Variants in COL15A1 observed in about 807,000 individuals in gnomAD.
COL15A1 encodes collagen type XV alpha 1 chain.
A neutral mutation model predicts 165.9 loss-of-function variants in COL15A1; 111 were observed. The observed-to-expected ratio is 0.67, with a 90% CI of 0.57 to 0.78. COL15A1 has a LOEUF of 0.78. Ranked by LOEUF, COL15A1 falls within the 30% of genes least tolerant of loss-of-function variation. The probability of loss-of-function intolerance (pLI) is 0.00; values close to 1 mark genes in which losing one functional copy is unlikely to be tolerated. For missense variants in COL15A1, 1,745 were observed against 1,789.7 expected (o/e 0.98, Z 0.45); for synonymous variants, 659 against 674.8 (o/e 0.98, Z 0.36).
At chr9:99,015,873 C>T (rs1326442372) in intron 10 of COL15A1, 103 bp from the exon 11 acceptor site, 23 of 1,378,514 alleles carry the variant, frequency 1.7e-5, no homozygotes, top group African/African-American at 2.9e-5. Context: ...TAGGTAAGAA[C>T]GTGCTTTGAA....
chr9:99,036,104 G>A (rs1839296540), intron 19 of COL15A1, 66 bp from the exon 20 acceptor site: 1 of 1,319,992 alleles, frequency 7.6e-7, no homozygotes, highest in African/African-American at 1.4e-5. Flanking sequence ...GAGATGGTGA[G>A]ACAAGAGGCT....
chr9:99,067,046 C>G lies in COL15A1; in HGVS notation c.3816C>G (p.Ser1272Arg), dbSNP rs768918828. 1 of 1,613,614 alleles carries G rather than the reference C, an allele frequency of 6.2e-7. No individual in the cohort carries two copies. The highest frequency in any genetic ancestry group is 1.3e-5 in the African/African-American group (1 of 74,916). ...STIVRKAERY[S>R]LPIVNLKGQV... ...TTGTGAGGAAAGCAGAGAGATACAGCCTTCCCATAGTGAACCTCAAGGTAA... is the reference window on the plus strand; with the variant it reads ...TTGTGAGGAAAGCAGAGAGATACAGGCTTCCCATAGTGAACCTCAAGGTAA... Residue 1272 changes from serine (S) to arginine (R), a missense_variant, in exon 40 of 42, where the codon AGC (serine) becomes AGG (arginine). By Grantham distance (110) the Ser-to-Arg change is moderately radical. Coordinates refer to ENST00000375001, the MANE Select transcript of COL15A1 (RefSeq NM_001855.5).
At chr9:98,974,077 G>A (rs1265849213) in intron 2 of COL15A1, among the ~76,000 whole-genome samples, 4 of 152,212 alleles carry the variant, frequency 2.6e-5, no homozygotes, top group East Asian at 1.9e-4. Flanking sequence ...AGTTGAGGCC[G>A]ACTTGTGTGT....
At chr9:98,994,554 G>A (rs578131770) in intron 5 of COL15A1, among the ~76,000 whole-genome samples, 42 of 152,146 alleles carry the variant, frequency 2.8e-4, no homozygotes, top group Non-Finnish European at 5.1e-4. Context: ...GGTTTGTTGC[G>A]TCTGGTCTAG....
At chr9:98,995,496 C>T (rs1177802899) in intron 5 of COL15A1, among the ~76,000 whole-genome samples, 6 of 152,168 alleles carry the variant, frequency 3.9e-5, no homozygotes, top group Non-Finnish European at 2.9e-5. Flanking sequence ...CCATTCTTCT[C>T]CCCACAGAAC....
chr9:98,971,694 G>A lies in COL15A1; in HGVS notation c.101-13871G>A, dbSNP rs545231405. Among the ~76,000 whole-genome samples, 5 of 152,362 alleles carry A rather than the reference G, an allele frequency of 3.3e-5. No homozygotes were observed. The East Asian group carries it at 9.6e-4, about 29-fold the overall frequency. On this transcript the variant is annotated intron_variant, in intron 2 of 41. Coordinates refer to ENST00000375001, the MANE Select transcript of COL15A1 (RefSeq NM_001855.5). Reference sequence around the variant, plus strand: ...ACTGCTTCTTCCTGAGATTGGATATGCTCTTGCACTGCGGCTAACTGCTGC... The same window carrying A: ...ACTGCTTCTTCCTGAGATTGGATATACTCTTGCACTGCGGCTAACTGCTGC...
intron 30 of COL15A1, among the ~76,000 whole-genome samples, chr9:99,050,567 C>A (rs1839572020): frequency 6.6e-6 from 1 of 152,230 alleles, no homozygotes; most frequent in African/African-American, 2.4e-5. Flanking sequence ...AGTCAGATTT[C>A]TGTGAGAAAA....
intron 9 of COL15A1, among the ~76,000 whole-genome samples, chr9:99,008,925 G>A (rs1838804868): frequency 6.6e-6 from 1 of 152,160 alleles, no homozygotes; most frequent in Non-Finnish European, 1.5e-5. Context: ...ATTGTTAAAA[G>A]CTGTAAATAG....
At chr9:98,966,134 C>T (rs1837952548) in intron 2 of COL15A1, among the ~76,000 whole-genome samples, 2 of 152,290 alleles carry the variant, frequency 1.3e-5, no homozygotes, top group South Asian at 4.1e-4. Context: ...GGACCATTCT[C>T]CCCTAGGGAG....
intron 39 of COL15A1, 40 bp downstream of exon 39, chr9:99,063,149 G>A (rs1173461912): frequency 2.6e-6 from 4 of 1,550,296 alleles, no homozygotes; most frequent in African/African-American, 1.4e-5. Flanking sequence ...AATACTGAGT[G>A]TATATCTGCT....
intron 9 of COL15A1, among the ~76,000 whole-genome samples, chr9:99,005,272 A>G (rs973589296): frequency 3.9e-5 from 6 of 152,026 alleles, no homozygotes; most frequent in Non-Finnish European, 8.8e-5. Context: ...TGAGTTGCAG[A>G]GGTGGGGTTT....
At chr9:98,949,822 C>T (rs781015224) in intron 2 of COL15A1, among the ~76,000 whole-genome samples, 1 of 152,146 alleles carries the variant, frequency 6.6e-6, no homozygotes, top group Non-Finnish European at 1.5e-5. Context: ...ATATCTATGC[C>T]CATTAATCAA....
At chr9:99,020,939 T>C (rs1180214601) in intron 12 of COL15A1, among the ~76,000 whole-genome samples, 12 of 152,220 alleles carry the variant, frequency 7.9e-5, no homozygotes, top group Admixed American at 7.9e-4. Flanking sequence ...GAGGTGGTGA[T>C]GATGACCCTG....
intron 2 of COL15A1, among the ~76,000 whole-genome samples, chr9:98,975,564 C>T (rs1588498151): frequency 6.6e-6 from 1 of 152,244 alleles, no homozygotes; most frequent in East Asian, 1.9e-4. Flanking sequence ...GGCTGGGATT[C>T]TGCCTGGTTT....
chr9:99,001,619 T>C (rs1291089062), intron 7 of COL15A1, among the ~76,000 whole-genome samples: 1 of 152,208 alleles, frequency 6.6e-6, no homozygotes. Context: ...TCAGGCCTAC[T>C]GTAGACTAGG....
chr9:99,065,946 G>C (rs1349306059), intron 39 of COL15A1, among the ~76,000 whole-genome samples: 1 of 151,910 alleles, frequency 6.6e-6, no homozygotes, highest in Non-Finnish European at 1.5e-5. Flanking sequence ...GAGAGGCGGG[G>C]TAGAAACCAG....
At chr9:98,965,647 G>A (rs1192254992) in intron 2 of COL15A1, among the ~76,000 whole-genome samples, 2 of 152,154 alleles carry the variant, frequency 1.3e-5, no homozygotes, top group African/African-American at 4.8e-5. Flanking sequence ...GTGTGGGTTT[G>A]CTCATGCTCT....
At chr9:98,972,324 AT>A in intron 2 of COL15A1, among the ~76,000 whole-genome samples, 1 of 152,038 alleles carries the variant, frequency 6.6e-6, no homozygotes, top group East Asian at 1.9e-4. Flanking sequence ...AAAGACTCTG[AT>A]TCCATAGGCC....
chr9:99,049,934 A>T, intron 30 of COL15A1, 39 bp downstream of exon 30: 1 of 1,613,736 alleles, frequency 6.2e-7, no homozygotes, highest in Non-Finnish European at 8.5e-7. Flanking sequence ...AGGCTTTGGC[A>T]TGGATAGCAA....
Sources: gnomAD v4.1 joint callset for allele counts (sites outside exome capture counted in the v4.1 genomes callset) on GRCh38, gnomAD v4.1.1 for gene constraint, MANE v1.5 for transcripts, NCBI Gene and HGNC (gene_info 2026-07-23, HGNC 2026-07-21) for gene names.